The following TMEM108 variants were observed in gnomAD, a reference collection of about 807,000 sequenced individuals.
TMEM108 encodes the protein cancer/testis antigen 124.
A neutral mutation model predicts 35.1 loss-of-function variants in TMEM108; 12 were observed. The observed-to-expected ratio is 0.34, with a 90% CI of 0.22 to 0.55. The LOEUF is 0.55. Among genes scored for constraint, TMEM108 ranks in the 20% least tolerant of loss-of-function variants. TMEM108 has a pLI of 0.89. For synonymous variants in TMEM108, 287 were observed against 308.6 expected, an observed-to-expected ratio of 0.93 and a Z score of 0.73; for missense variants, 680 against 753.3, an observed-to-expected ratio of 0.90 and a Z score of 1.14.
At chr3:133,095,254 G>A (rs1576315521) in intron 2 of TMEM108, among the ~76,000 whole-genome samples, 1 of 152,128 alleles carries the variant, frequency 6.6e-6, no homozygotes, top group African/African-American at 2.4e-5. Context: ...TCAGGGATGG[G>A]GAGGTTCCAT....
chr3:133,313,228 C>G (rs1453015750), intron 3 of TMEM108, among the ~76,000 whole-genome samples: 2 of 149,286 alleles, frequency 1.3e-5, no homozygotes, highest in Non-Finnish European at 3.0e-5. Flanking sequence ...GATGGAGTCT[C>G]TCTCTGTCAC....
At chr3:133,131,136 CT>C (rs1250986702) in intron 2 of TMEM108, among the ~76,000 whole-genome samples, 2 of 152,174 alleles carry the variant, frequency 1.3e-5, no homozygotes, top group East Asian at 1.9e-4. Flanking sequence ...TGTATAGAAA[CT>C]TTTCCGTTTA....
rs568068124 is a variant in TMEM108, at chr3:133,170,940, A to G, written c.-46-58326A>G. On this transcript the variant is annotated intron_variant, in intron 2 of 5. Coordinates refer to ENST00000321871, the MANE Select transcript of TMEM108 (RefSeq NM_023943.4). ...GTATCACCCAGTCCATGTTCCTAAC[A>G]TTCAGACAAGTGATGAAGATTAGGC... Among the ~76,000 whole-genome samples the G allele has an allele frequency of 1.7e-4, 26 of 152,352 alleles. No homozygotes were observed. In the South Asian group the frequency reaches 5.4e-3, roughly 32 times the overall value.
intron 3 of TMEM108, among the ~76,000 whole-genome samples, chr3:133,278,635 A>G (rs1245910435): frequency 1.3e-5 from 2 of 152,252 alleles, no homozygotes; most frequent in Non-Finnish European, 2.9e-5. Flanking sequence ...AAATATTTGT[A>G]TGTCTAAACA....
chr3:133,339,243 A>G (rs2071590454), intron 3 of TMEM108, among the ~76,000 whole-genome samples: 1 of 151,868 alleles, frequency 6.6e-6, no homozygotes, highest in Non-Finnish European at 1.5e-5. Context: ...AAAGACAAAA[A>G]TAAACTGAAA....
chr3:133,176,845 A>G (rs1945238967), intron 2 of TMEM108, among the ~76,000 whole-genome samples: 1 of 152,016 alleles, frequency 6.6e-6, no homozygotes, highest in African/African-American at 2.4e-5. Flanking sequence ...TAGAGACACA[A>G]AAAACCCTTC....
intron 3 of TMEM108, among the ~76,000 whole-genome samples, chr3:133,365,861 G>A (rs2072487772): frequency 6.6e-6 from 1 of 152,158 alleles, no homozygotes; most frequent in African/African-American, 2.4e-5. Context: ...GGTGAAGCTA[G>A]GAGCCCTTTA....
chr3:133,182,654 C>G (rs888393019), intron 2 of TMEM108, among the ~76,000 whole-genome samples: 9 of 152,196 alleles, frequency 5.9e-5, no homozygotes, highest in Non-Finnish European at 1.0e-4. Flanking sequence ...AGCAAGCAGA[C>G]CTCATTTTTC....
intron 3 of TMEM108, among the ~76,000 whole-genome samples, chr3:133,376,914 C>T (rs1175739055): frequency 6.6e-6 from 1 of 152,140 alleles, no homozygotes; most frequent in Non-Finnish European, 1.5e-5. Flanking sequence ...AATGTACTTC[C>T]TCACATTTGA....
intron 2 of TMEM108, among the ~76,000 whole-genome samples, chr3:133,213,260 A>G (rs971250121): frequency 1.3e-5 from 2 of 152,238 alleles, no homozygotes; most frequent in Non-Finnish European, 2.9e-5. Context: ...TGCAAGACAC[A>G]TGGTAGGTGT....
rs1158616668 is a variant in TMEM108, at chr3:133,150,643, G to A, written c.-46-78623G>A. Among the ~76,000 whole-genome samples the A allele has an allele frequency of 4.6e-5, 7 of 152,022 alleles. No homozygotes were observed. The South Asian group carries it at 8.3e-4, about 18-fold the overall frequency. ...GTAAGAATAATTAGAGAATTAGAGC[G>A]TGTGAGCCCCCAGACCAAGAACATG... On this transcript the variant is annotated intron_variant, in intron 2 of 5. Coordinates refer to ENST00000321871, the MANE Select transcript of TMEM108 (RefSeq NM_023943.4).
Position 133,126,271 on chromosome 3 carries a change from C to A in TMEM108, c.-47+80251C>A, listed in dbSNP as rs546493297. Among the ~76,000 whole-genome samples the A allele has an allele frequency of 1.2e-3, 186 of 152,102 alleles. 2 individuals are homozygous for A. Among genetic ancestry groups the A allele is most frequent in the African/African-American group, 4.3e-3 (180 of 41,488 alleles). On this transcript the variant is annotated intron_variant, in intron 2 of 5. Transcript: ENST00000321871. The stretch of plus-strand genomic sequence containing the variant: ...CATGAGGTCAGGAGTTCGAGACCAG[C>A]CTGACCAATATGGTTAAACCCCATC...
intron 2 of TMEM108, among the ~76,000 whole-genome samples, chr3:133,049,518 A>T (rs1023315000): frequency 6.6e-6 from 1 of 152,170 alleles, no homozygotes; most frequent in Non-Finnish European, 1.5e-5. Flanking sequence ...ACCTCAACTC[A>T]TTTAAAACAG....
chr3:133,396,096 C>A lies in TMEM108; in HGVS notation c.*110C>A. On this transcript the variant is annotated 3_prime_UTR_variant, in exon 6 of 6. Transcript: ENST00000321871. ...TGTGTAACCCTGACTTAATGAGAAA[C>A]ATTTTCAGCTTTTTTTCCTATGAAT... 1 of 827,624 alleles carries A rather than the reference C, an allele frequency of 1.2e-6. No homozygotes were observed. The highest frequency in any genetic ancestry group is 1.6e-6 in the Non-Finnish European group (1 of 642,042). The allele number at this position is 827,624 out of a possible 1,614,324, so 51.3% of individuals were successfully genotyped here. A position where few individuals can be genotyped will look rare whatever the true frequency, so the allele number is the denominator to read the frequency against.
chr3:133,234,255 A>G (rs1003336381), intron 3 of TMEM108, among the ~76,000 whole-genome samples: 6 of 152,264 alleles, frequency 3.9e-5, no homozygotes, highest in Admixed American at 2.0e-4. Flanking sequence ...AGCTTTCTAC[A>G]TATGGCTAGC....
At chr3:133,099,328 C>CA (rs1944056626) in intron 2 of TMEM108, among the ~76,000 whole-genome samples, 1 of 152,202 alleles carries the variant, frequency 6.6e-6, no homozygotes, top group Non-Finnish European at 1.5e-5. Context: ...GCCTGACCCA[C>CA]AAAACCACTT....
At chr3:133,214,754 A>T (rs540554704) in intron 2 of TMEM108, among the ~76,000 whole-genome samples, 1 of 152,194 alleles carries the variant, frequency 6.6e-6, no homozygotes, top group South Asian at 2.1e-4. Context: ...GGTGAGCTGC[A>T]GGTGAGGGAG....
At chr3:133,302,850 C>G (rs1020354711) in intron 3 of TMEM108, among the ~76,000 whole-genome samples, 37 of 152,302 alleles carry the variant, frequency 2.4e-4, no homozygotes, top group African/African-American at 8.9e-4. Context: ...CCACCCCACA[C>G]GTGCACCATG....
intron 2 of TMEM108, among the ~76,000 whole-genome samples, chr3:133,123,652 ATGTCCT>A (rs1022759263): frequency 3.3e-5 from 5 of 152,238 alleles, no homozygotes; most frequent in Non-Finnish European, 5.9e-5. Context: ...CAATAAAAAA[ATGTCCT>A]TGTTCTTGAG....
Sources: allele counts gnomAD v4.1 joint callset (sites outside exome capture counted in the v4.1 genomes callset), GRCh38; gene constraint gnomAD v4.1.1; transcripts MANE v1.5; gene names NCBI Gene and HGNC (gene_info 2026-07-23, HGNC 2026-07-21).